NEGR1: variants seen among roughly 807,000 people sequenced by gnomAD.
NEGR1 encodes neuronal growth regulator 1.
In NEGR1, 10 loss-of-function variants were observed where a neutral mutation model predicts 40.9. That is an observed-to-expected ratio of 0.24 (90% CI 0.15 to 0.42). The LOEUF is 0.42. Ranked by LOEUF, NEGR1 falls within the 10% of genes least tolerant of loss-of-function variation. The pLI is 1.00. For synonymous variants in NEGR1, 185 were observed against 166.8 expected (o/e 1.11, Z -0.84); for missense variants, 352 against 438.9 (o/e 0.80, Z 1.77).
At chr1:71,544,367 C>G (rs940191634) in intron 6 of NEGR1, among the ~76,000 whole-genome samples, 1 of 151,620 alleles carries the variant, frequency 6.6e-6, no homozygotes, top group Non-Finnish European at 1.5e-5. Flanking sequence ...TAATTTTGGT[C>G]TAGTCACAAA....
At chr1:71,693,553 C>A (rs2794309) in intron 4 of NEGR1, among the ~76,000 whole-genome samples, 144,674 of 151,514 alleles carry the variant, frequency 0.95, 69,417 homozygotes, top group East Asian at 1. Flanking sequence ...AACATTTATA[C>A]ATTTACAAAT....
chr1:71,926,416 G>T (rs1057068691), intron 2 of NEGR1, among the ~76,000 whole-genome samples: 1 of 151,274 alleles, frequency 6.6e-6, no homozygotes, highest in African/African-American at 2.4e-5. Flanking sequence ...ATAATTATTT[G>T]ATTTTTGGCC....
intron 1 of NEGR1, among the ~76,000 whole-genome samples, chr1:72,131,116 C>A (rs904505798): frequency 5.3e-5 from 8 of 152,048 alleles, no homozygotes; most frequent in South Asian, 2.1e-4. Context: ...GTCTCCTGAC[C>A]AACTTGTTAA....
chr1:71,774,855 C>T (rs1205053122), intron 3 of NEGR1, among the ~76,000 whole-genome samples: 1 of 152,068 alleles, frequency 6.6e-6, no homozygotes. Flanking sequence ...TGAAAACAGA[C>T]CTGTTTTGAT....
chr1:71,972,797 A>G (rs574524618), intron 1 of NEGR1, among the ~76,000 whole-genome samples: 1 of 152,294 alleles, frequency 6.6e-6, no homozygotes, highest in African/African-American at 2.4e-5. Context: ...GATTGCAGTA[A>G]TAACATTTCT....
chr1:72,052,769 A>T (rs192917953), intron 1 of NEGR1, among the ~76,000 whole-genome samples: 1 of 151,640 alleles, frequency 6.6e-6, no homozygotes, highest in East Asian at 1.9e-4. Flanking sequence ...TAAAAGTTTA[A>T]CTCAGCATAT....
intron 4 of NEGR1, among the ~76,000 whole-genome samples, chr1:71,684,390 CG>C (rs1446246692): frequency 3.9e-5 from 6 of 152,020 alleles, no homozygotes; most frequent in Admixed American, 3.9e-4. Context: ...TTTCTTTAAG[CG>C]TTTGTACATT....
chr1:71,523,813 A>C (rs1162308533), intron 6 of NEGR1, among the ~76,000 whole-genome samples: 2 of 151,918 alleles, frequency 1.3e-5, no homozygotes, highest in African/African-American at 4.8e-5. Flanking sequence ...TCAGTTTAAC[A>C]CTGATCTGCT....
intron 2 of NEGR1, among the ~76,000 whole-genome samples, chr1:71,912,208 G>A (rs1287811480): frequency 6.6e-6 from 1 of 152,162 alleles, no homozygotes; most frequent in Non-Finnish European, 1.5e-5. Context: ...GGGACTGTAG[G>A]AGAGAATGCA....
chr1:71,435,476 G>GA (rs1646503379), intron 6 of NEGR1, among the ~76,000 whole-genome samples: 1 of 152,040 alleles, frequency 6.6e-6, no homozygotes, highest in Non-Finnish European at 1.5e-5. Context: ...AATCACTAAG[G>GA]AGAAAGGATA....
At chr1:72,176,363 T>A (rs1652164408) in intron 1 of NEGR1, among the ~76,000 whole-genome samples, 1 of 152,104 alleles carries the variant, frequency 6.6e-6, no homozygotes, top group African/African-American at 2.4e-5. Context: ...GCTAATGTTT[T>A]ACCAGGAGCC....
At chr1:71,656,955 C>A (rs1445991638) in intron 4 of NEGR1, among the ~76,000 whole-genome samples, 1 of 152,148 alleles carries the variant, frequency 6.6e-6, no homozygotes, top group African/African-American at 2.4e-5. Flanking sequence ...GCCCAAAGGT[C>A]ATAATATTGC....
chr1:72,010,252 C>T (rs567909080), intron 1 of NEGR1, among the ~76,000 whole-genome samples: 250 of 152,024 alleles, frequency 1.6e-3, no homozygotes, highest in African/African-American at 5.8e-3. Flanking sequence ...CCTGTGGTTG[C>T]CACATCTCAT....
At chr1:72,167,230 C>T (rs543917005) in intron 1 of NEGR1, among the ~76,000 whole-genome samples, 13 of 152,156 alleles carry the variant, frequency 8.5e-5, no homozygotes, top group South Asian at 2.1e-4. Flanking sequence ...TCAAAGCCAC[C>T]TTCCAGCCAT....
At chr1:72,259,494 G>T (rs1024520097) in intron 1 of NEGR1, among the ~76,000 whole-genome samples, 2 of 151,858 alleles carry the variant, frequency 1.3e-5, no homozygotes, top group Non-Finnish European at 2.9e-5. Flanking sequence ...TATTTTTTTG[G>T]TTATCAAGCC....
intron 2 of NEGR1, among the ~76,000 whole-genome samples, chr1:71,864,267 C>T (rs1660047427): frequency 1.3e-5 from 2 of 152,114 alleles, no homozygotes; most frequent in Non-Finnish European, 2.9e-5. Context: ...GTGGAGCACA[C>T]AGGCATGCAG....
At chr1:72,217,758 T>C (rs971773221) in intron 1 of NEGR1, among the ~76,000 whole-genome samples, 19 of 151,826 alleles carry the variant, frequency 1.3e-4, no homozygotes, top group African/African-American at 4.6e-4. Context: ...AGTAAATGAC[T>C]TGTGGATAAG....
intron 1 of NEGR1, among the ~76,000 whole-genome samples, chr1:72,065,258 A>G (rs1029061077): frequency 2.0e-5 from 3 of 152,108 alleles, no homozygotes; most frequent in Non-Finnish European, 4.4e-5. Flanking sequence ...TTTAACTTCA[A>G]GTCTATCTAC....
At chr1:71,464,512 C>T (rs1646733315) in intron 6 of NEGR1, among the ~76,000 whole-genome samples, 1 of 151,716 alleles carries the variant, frequency 6.6e-6, no homozygotes, top group African/African-American at 2.4e-5. Context: ...TTTAATTTTG[C>T]CAAAAAAGCT....
Sources: allele counts gnomAD v4.1 joint callset (sites outside exome capture counted in the v4.1 genomes callset), GRCh38; gene constraint gnomAD v4.1.1; transcripts MANE v1.5; gene names NCBI Gene and HGNC (gene_info 2026-07-23, HGNC 2026-07-21).